The following CACNA1C variants were observed in gnomAD, a reference collection of about 807,000 sequenced individuals.
CACNA1C encodes calcium voltage-gated channel subunit alpha1 C.
In CACNA1C, 30 loss-of-function variants were observed where a neutral mutation model predicts 229.0. The observed-to-expected ratio is 0.13, with a 90% CI of 0.10 to 0.18. CACNA1C has a LOEUF of 0.18. CACNA1C is among the 10% of genes least tolerant of loss of function. The pLI, the probability that CACNA1C is intolerant of heterozygous loss-of-function variation, is 1.00. For synonymous variants in CACNA1C, 1,114 were observed against 1,132.5 expected, an observed-to-expected ratio of 0.98 and a Z score of 0.33; for missense variants, 1,658 against 2,845.0, an observed-to-expected ratio of 0.58 and a Z score of 9.49.
intron 3 of CACNA1C, among the ~76,000 whole-genome samples, chr12:2,436,510 G>T (rs2099136151): frequency 6.6e-6 from 1 of 152,158 alleles, no homozygotes; most frequent in Non-Finnish European, 1.5e-5. Flanking sequence ...CTTGGCTGGG[G>T]GTTTGGGCTG....
chr12:2,297,125 A>C (rs1330570051), intron 3 of CACNA1C, among the ~76,000 whole-genome samples: 3 of 152,196 alleles, frequency 2.0e-5, no homozygotes, highest in Non-Finnish European at 2.9e-5. Context: ...CAGTAATAGA[A>C]GCAACTCCGA....
In CACNA1C at chr12:2,504,196, T is replaced by G. The variant is rs2099766654; in HGVS notation, c.1114-646T>G. ...GGAGAAATGTTTCTTTTTCAGAAAA[T>G]AAAACCACAGAGAGACAGAGTGATT... On this transcript the variant is annotated intron_variant, in intron 7 of 46. Coordinates refer to ENST00000399655, the MANE Select transcript of CACNA1C (RefSeq NM_000719.7). The surrounding 1 kb of genome is among the most constrained non-coding windows in gnomAD (Gnocchi z 6.8). Among the ~76,000 whole-genome samples, 1 of 152,072 alleles carries G rather than the reference T, an allele frequency of 6.6e-6. No individual in the cohort carries two copies. Among genetic ancestry groups the G allele is most frequent in the African/African-American group, 2.4e-5 (1 of 41,404 alleles).
chr12:2,111,232 T>C (rs1258071056), intron 1 of CACNA1C, among the ~76,000 whole-genome samples: 1 of 152,226 alleles, frequency 6.6e-6, no homozygotes, highest in Non-Finnish European at 1.5e-5. Context: ...GGGAATGGTT[T>C]ACAATATAAA....
intron 29 of CACNA1C, among the ~76,000 whole-genome samples, chr12:2,620,910 G>T (rs946714367): frequency 2.0e-5 from 3 of 152,166 alleles, no homozygotes; most frequent in Non-Finnish European, 4.4e-5. Flanking sequence ...TTGTGAGCCC[G>T]GAAAAGAAAG....
At chr12:2,440,762 A>G (rs566507768) in intron 3 of CACNA1C, among the ~76,000 whole-genome samples, 1 of 152,316 alleles carries the variant, frequency 6.6e-6, no homozygotes, top group Admixed American at 6.5e-5. Context: ...GTGTCCTTGA[A>G]TCAGCCCCCT....
chr12:2,379,476 C>T (rs1360983651), intron 3 of CACNA1C, among the ~76,000 whole-genome samples: 3 of 152,106 alleles, frequency 2.0e-5, no homozygotes, highest in Admixed American at 6.5e-5. Flanking sequence ...GAAGAAGGCA[C>T]GTTGTTAAAA....
rs565954812 is a variant in CACNA1C at position 2,228,935 on chromosome 12, T to C, written c.477+108505T>C. Among the ~76,000 whole-genome samples the C allele has an allele frequency of 5.3e-5, 8 of 150,264 alleles. No individual in the cohort carries two copies. The South Asian group carries it at 1.8e-3, about 34-fold the overall frequency. On this transcript the variant is annotated intron_variant, in intron 3 of 46. Transcript: ENST00000399655. ...GAGTATTTTCCAGGAGCTAGAATAT[T>C]ATGTGTGTGTGTGTGCATATCTCCT...
intron 18 of CACNA1C, 39 bp from the exon 19 acceptor site, chr12:2,593,174 G>T (rs1001369787): frequency 1.9e-6 from 3 of 1,600,056 alleles, no homozygotes; most frequent in Admixed American, 3.4e-5. Flanking sequence ...ATAAGTGGGA[G>T]TGCTGGAGTT....
At chr12:2,205,337 G>T (rs1285316333) in intron 3 of CACNA1C, among the ~76,000 whole-genome samples, 1 of 152,196 alleles carries the variant, frequency 6.6e-6, no homozygotes, top group African/African-American at 2.4e-5. Flanking sequence ...AGGGCATGTA[G>T]CCTGGGTACA....
intron 3 of CACNA1C, among the ~76,000 whole-genome samples, chr12:2,126,325 A>T (rs2090043405): frequency 6.6e-6 from 1 of 152,270 alleles, no homozygotes; most frequent in South Asian, 2.1e-4. Flanking sequence ...TGCCACCTCT[A>T]TGCAGCACAT....
At chr12:2,211,183 C>T (rs1322216740) in intron 3 of CACNA1C, among the ~76,000 whole-genome samples, 1 of 152,218 alleles carries the variant, frequency 6.6e-6, no homozygotes, top group African/African-American at 2.4e-5. Context: ...TCAGGCAGAG[C>T]TCCCTGAATT....
chr12:2,031,519 A>G (rs1478092084), intron 1 of CACNA1C, among the ~76,000 whole-genome samples: 4 of 152,128 alleles, frequency 2.6e-5, no homozygotes, highest in African/African-American at 7.2e-5. Flanking sequence ...ACAAAAGAGG[A>G]TTGGATAATG....
At chr12:2,487,947 A>C (rs1567980912) in intron 6 of CACNA1C, among the ~76,000 whole-genome samples, 2 of 152,180 alleles carry the variant, frequency 1.3e-5, no homozygotes, top group Admixed American at 6.5e-5. Context: ...AAGTTCATGC[A>C]GTTGTATTGA....
intron 28 of CACNA1C, 59 bp from the exon 29 acceptor site, chr12:2,611,844 G>T: frequency 9.4e-7 from 1 of 1,068,760 alleles, no homozygotes; most frequent in East Asian, 2.4e-5. Context: ...GGCAAAAGGT[G>T]GGGAGGAGGA....
Position 2,181,316 on chromosome 12 carries a change from G to C in CACNA1C, c.477+60886G>C, listed in dbSNP as rs1361997532. Among the ~76,000 whole-genome samples, 1 of 152,188 alleles carries C rather than the reference G, an allele frequency of 6.6e-6. No homozygotes were observed. The highest frequency in any genetic ancestry group is 1.5e-5 in the Non-Finnish European group (1 of 68,032). ...CTGAGTCTCTAGTCTTGGGGCTCATGCTTGAAGTTATTTAGAGAATCTCTA... is the reference window on the plus strand; with the variant it reads ...CTGAGTCTCTAGTCTTGGGGCTCATCCTTGAAGTTATTTAGAGAATCTCTA... On this transcript the variant is annotated intron_variant, in intron 3 of 46. Coordinates refer to ENST00000399655, the MANE Select transcript of CACNA1C (RefSeq NM_000719.7). The surrounding 1 kb of genome is among the most constrained non-coding windows in gnomAD (Gnocchi z 4.0).
In CACNA1C at chr12:2,690,884, C is replaced by T; in HGVS notation, c.6118-16C>T. The T allele has an allele frequency of 6.5e-7, 1 of 1,541,616 alleles. No individual in the cohort carries two copies. The highest frequency in any genetic ancestry group is 8.8e-7 in the Non-Finnish European group (1 of 1,138,722). On this transcript the variant is annotated splice_polypyrimidine_tract_variant and intron_variant, in intron 46 of 46. Coordinates refer to ENST00000399655, the MANE Select transcript of CACNA1C (RefSeq NM_000719.7). The stretch of plus-strand genomic sequence containing the variant: ...TGTTCCTTTGGTTCTTCATGGCTCC[C>T]ACCCCGCTCCTTCAGGTCTTGATTT...
chr12:2,246,412 C>T (rs1441140160), intron 3 of CACNA1C, among the ~76,000 whole-genome samples: 1 of 152,152 alleles, frequency 6.6e-6, no homozygotes, highest in Non-Finnish European at 1.5e-5. Context: ...CCGGAGTGAA[C>T]AGGATCCTGA....
chr12:2,370,546 A>G (rs369087775), intron 3 of CACNA1C, among the ~76,000 whole-genome samples: 108 of 152,368 alleles, frequency 7.1e-4, no homozygotes, highest in Middle Eastern at 3.4e-3. Context: ...CTCATTTCAC[A>G]TTAATAGCAG....
intron 3 of CACNA1C, among the ~76,000 whole-genome samples, chr12:2,312,579 C>T (rs2095495909): frequency 6.6e-6 from 1 of 152,208 alleles, no homozygotes; most frequent in South Asian, 2.1e-4. Context: ...TCATATGACA[C>T]AGCTTCCAGA....
Sources: gnomAD v4.1 joint callset for allele counts (sites outside exome capture counted in the v4.1 genomes callset) on GRCh38, gnomAD v4.1.1 for gene constraint, Gnocchi (gnomAD v3.1) non-coding constraint, MANE v1.5 for transcripts, NCBI Gene and HGNC (gene_info 2026-07-23, HGNC 2026-07-21) for gene names.